The following ZNF37A variants were observed in gnomAD, a reference collection of about 807,000 sequenced individuals.
The protein encoded by ZNF37A is zinc finger protein 37a (KOX 21).
In ZNF37A, 10 loss-of-function variants were observed where a neutral mutation model predicts 12.3. That is an observed-to-expected ratio of 0.82 (90% CI 0.50 to 1.38). ZNF37A has a LOEUF of 1.38. ZNF37A is among the 40% of genes most tolerant of loss of function. The pLI, the probability that ZNF37A is intolerant of heterozygous loss-of-function variation, is 0.00. For missense variants in ZNF37A, 580 were observed against 651.2 expected (o/e 0.89, Z 1.19); for synonymous variants, 207 against 223.0 (o/e 0.93, Z 0.64).
At chr10:38,104,223 C>T in intron 5 of ZNF37A, among the ~76,000 whole-genome samples, 1 of 152,142 alleles carries the variant, frequency 6.6e-6, no homozygotes, top group Non-Finnish European at 1.5e-5. Context: ...ACAAGCACTT[C>T]CTGGAAGACT....
At chr10:38,116,766 G>T (rs2069300153) in intron 7 of ZNF37A, among the ~76,000 whole-genome samples, 2 of 152,176 alleles carry the variant, frequency 1.3e-5, no homozygotes, top group South Asian at 4.1e-4. Flanking sequence ...TTCACTCACT[G>T]ATTTCACTCT....
intron 5 of ZNF37A, among the ~76,000 whole-genome samples, chr10:38,112,457 T>C (rs777289202): frequency 1.7e-4 from 26 of 152,066 alleles, no homozygotes; most frequent in Non-Finnish European, 3.4e-4. Context: ...TTTCAAGGTC[T>C]GATTGCAAAA....
At chr10:38,130,487 G>A (rs12245828), downstream of ZNF37A, among the ~76,000 whole-genome samples, 952 of 152,140 alleles carry the variant, frequency 6.3e-3, 5 homozygotes, top group African/African-American at 0.015. Flanking sequence ...TTGAGACAGA[G>A]TCTTGCTCTG....
intron 5 of ZNF37A, among the ~76,000 whole-genome samples, chr10:38,110,193 A>G (rs901219085): frequency 1.3e-5 from 2 of 152,194 alleles, no homozygotes; most frequent in Non-Finnish European, 2.9e-5. Context: ...CCACACGTCT[A>G]CAACCATCTG....
At chr10:38,101,911 C>T (rs1381782878) in intron 5 of ZNF37A, among the ~76,000 whole-genome samples, 3 of 151,328 alleles carry the variant, frequency 2.0e-5, no homozygotes, top group African/African-American at 7.3e-5. Flanking sequence ...CAACCTCCGC[C>T]TCCAGGGTTC....
chr10:38,142,555 C>T (rs1157705728), intron 7 of ZNF37A: 2 of 152,224 alleles, frequency 1.3e-5, no homozygotes, highest in Non-Finnish European at 2.9e-5. Context: ...GGTACAGGAT[C>T]ATTTGGGAAC....
rs2069756527 is a variant in ZNF37A, at chr10:38,122,438, A to G, written c.*3601A>G. ...GAATCATATTACCTGACTTCCAATTATTCAACAGAGCTACAGTAACCAAAA... is the reference window on the plus strand; with the variant it reads ...GAATCATATTACCTGACTTCCAATTGTTCAACAGAGCTACAGTAACCAAAA... On this transcript the variant is annotated 3_prime_UTR_variant, in exon 8 of 8. Coordinates refer to ENST00000685332, the MANE Select transcript of ZNF37A (RefSeq NM_001324250.3). The G allele has an allele frequency of 6.6e-6, 1 of 152,206 alleles. No individual in the cohort carries two copies. Among genetic ancestry groups the G allele is most frequent in the Non-Finnish European group, 1.5e-5 (1 of 68,036 alleles). 9.4% of individuals were successfully genotyped at this position (152,206 alleles called of 1,614,324 possible).
At chr10:38,145,289 A>C (rs2070237352) in intron 7 of ZNF37A, among the ~76,000 whole-genome samples, 1 of 152,234 alleles carries the variant, frequency 6.6e-6, no homozygotes, top group African/African-American at 2.4e-5. Context: ...GCCTGTGACT[A>C]TTATAATAAA....
rs199740277 is a variant in ZNF37A at position 38,118,964 on chromosome 10, C to A, written c.*127C>A. The A allele has an allele frequency of 2.6e-6, 3 of 1,169,648 alleles. No individual in the cohort carries two copies. Among genetic ancestry groups the A allele is most frequent in the African/African-American group, 3.3e-5 (2 of 59,806 alleles). The allele number at this position is 1,169,648 out of a possible 1,614,324, so 72.5% of individuals were successfully genotyped here. On this transcript the variant is annotated 3_prime_UTR_variant, in exon 8 of 8. Coordinates refer to ENST00000685332, the MANE Select transcript of ZNF37A (RefSeq NM_001324250.3). ...GAAGAGAACTTAAAGAGGGAAAAAA[C>A]AATATGAAGATAGGGAATGCAGGAA...
chr10:38,107,156 T>G (rs1679025775), intron 5 of ZNF37A, among the ~76,000 whole-genome samples: 1 of 152,184 alleles, frequency 6.6e-6, no homozygotes, highest in African/African-American at 2.4e-5. Context: ...AGCAGAACTC[T>G]CTACAGAAAC....
chr10:38,135,714 A>T (rs1564387357), intron 7 of ZNF37A, among the ~76,000 whole-genome samples: 1 of 152,176 alleles, frequency 6.6e-6, no homozygotes, highest in Non-Finnish European at 1.5e-5. Flanking sequence ...TAAAATCATG[A>T]CAGAAGGCAC....
chr10:38,115,017 G>A, intron 6 of ZNF37A, 136 bp downstream of exon 6: 1 of 1,308,804 alleles, frequency 7.6e-7, no homozygotes, highest in Non-Finnish European at 1.0e-6. Flanking sequence ...TATCCCTTTT[G>A]GATACCAGAA....
chr10:38,107,194 A>G (rs2068178948), intron 5 of ZNF37A, among the ~76,000 whole-genome samples: 2 of 152,226 alleles, frequency 1.3e-5, no homozygotes, highest in African/African-American at 4.8e-5. Context: ...AGTGGGGGCC[A>G]ATATTCAGCA....
downstream of ZNF37A, among the ~76,000 whole-genome samples, chr10:38,127,555 T>A (rs1176105516): frequency 6.6e-6 from 1 of 152,172 alleles, no homozygotes; most frequent in South Asian, 2.1e-4. Context: ...CTAAGTGCAC[T>A]ACTGGTATAT....
exon 8 of ZNF37A, chr10:38,148,553 A>G (rs1044318907): frequency 1.6e-4 from 25 of 152,332 alleles, no homozygotes; most frequent in African/African-American, 5.8e-4. Context: ...GAGAACACTA[A>G]GCTCTGCCTG....
downstream of ZNF37A, among the ~76,000 whole-genome samples, chr10:38,129,319 A>AAAAAAAAAAAAAAAAAAAAACAAAAAAAC: frequency 8.6e-6 from 1 of 116,226 alleles, no homozygotes; most frequent in African/African-American, 3.6e-5. Context: ...AAAAAAAAAA[A>AAAAAAAAAAAAAAAAAAAAACAAAAAAAC]AAACTATTAT....
At chr10:38,115,066 AGTGTGTGTGTGTGTGTGTGTGTGTGTGT>A (rs56124182) in intron 6 of ZNF37A, 101 bp from the exon 7 acceptor site, 11 of 621,478 alleles carry the variant, frequency 1.8e-5, no homozygotes, top group Middle Eastern at 5.0e-4. Flanking sequence ...GATTAAATGA[AGTGTGTGTGTGTGTGTGTGTGTGTGTGT>A]GTGTGTGTGT....
chr10:38,098,763 G>T lies in ZNF37A; in HGVS notation c.15+2131G>T, dbSNP rs190597397. ...TCATGTATTTATGTATAGTCTGTGG[G>T]TACTTTCACACTACGAGGGCAGAAT... On this transcript the variant is annotated intron_variant, in intron 5 of 7. Transcript: ENST00000685332. Among the ~76,000 whole-genome samples, 398 of 152,262 alleles carry T rather than the reference G, an allele frequency of 2.6e-3. 2 individuals are homozygous for T. Among genetic ancestry groups the T allele is most frequent in the Non-Finnish European group, 3.9e-3 (262 of 68,028 alleles).
At chr10:38,110,471 C>T (rs552799200) in intron 5 of ZNF37A, among the ~76,000 whole-genome samples, 34 of 152,190 alleles carry the variant, frequency 2.2e-4, no homozygotes, top group African/African-American at 7.7e-4. Flanking sequence ...CAACAAATGC[C>T]AAAATTGACA....
Sources: gnomAD v4.1 joint callset for allele counts (sites outside exome capture counted in the v4.1 genomes callset) on GRCh38, gnomAD v4.1.1 for gene constraint, MANE v1.5 for transcripts, NCBI Gene and HGNC (gene_info 2026-07-23, HGNC 2026-07-21) for gene names.